SMARCA5: variants seen among roughly 807,000 people sequenced by gnomAD.
SMARCA5 encodes the protein SNF2 related chromatin remodeling ATPase 5.
SMARCA5 carries 18 observed loss-of-function variants against 140.4 expected under a neutral mutation model. The observed-to-expected ratio is 0.13, with a 90% confidence interval of 0.09 to 0.19. SMARCA5 has a LOEUF of 0.19. SMARCA5 is among the 10% of genes least tolerant of loss of function. The probability of loss-of-function intolerance (pLI) is 1.00; values close to 1 mark genes in which losing one functional copy is unlikely to be tolerated. For missense variants in SMARCA5, 606 were observed against 1,276.8 expected (o/e 0.47, Z 8.01); for synonymous variants, 449 against 419.6 (o/e 1.07, Z -0.86).
At chr4:143,528,788 G>A in intron 8 of SMARCA5, 74 bp downstream of exon 8, 1 of 1,398,900 alleles carries the variant, frequency 7.1e-7, no homozygotes, top group Non-Finnish European at 9.7e-7. Flanking sequence ...AATAAAAGTG[G>A]CCTGCCTTTT....
intron 3 of SMARCA5, among the ~76,000 whole-genome samples, chr4:143,523,646 T>C (rs1290130987): frequency 1.3e-5 from 2 of 152,206 alleles, no homozygotes; most frequent in Non-Finnish European, 2.9e-5. Context: ...TGCTTCTATC[T>C]TGGAAGGCCG....
intron 11 of SMARCA5, among the ~76,000 whole-genome samples, chr4:143,537,875 G>A (rs946307415): frequency 2.0e-5 from 3 of 146,882 alleles, no homozygotes; most frequent in Non-Finnish European, 3.0e-5. Flanking sequence ...CTGAGATGGC[G>A]CCGCTGCACT....
chr4:143,533,651 G>C (rs529556639), intron 9 of SMARCA5, among the ~76,000 whole-genome samples: 1 of 152,058 alleles, frequency 6.6e-6, no homozygotes, highest in Admixed American at 6.5e-5. Context: ...GGGACTACAG[G>C]TACCTGCCAC....
intron 1 of SMARCA5, chr4:143,514,784 A>G (rs1510882): frequency 0.21 from 32,221 of 152,114 alleles, 3,419 homozygotes; most frequent in South Asian, 0.29. Context: ...AGGGGGGATG[A>G]ATAAGTGTAG....
chr4:143,544,216 G>A (rs1737480837), intron 16 of SMARCA5: 1 of 251,460 alleles, frequency 4.0e-6, no homozygotes. Context: ...ATATATTCTT[G>A]TATGGGATGA....
At chr4:143,517,757 C>G (rs776549666) in intron 2 of SMARCA5, among the ~76,000 whole-genome samples, 3 of 152,172 alleles carry the variant, frequency 2.0e-5, no homozygotes, top group Admixed American at 6.5e-5. Context: ...CTAATCACCT[C>G]TTATTAGGCC....
Position 143,514,081 on chromosome 4 carries a change from C to T in SMARCA5, c.157C>T (p.Pro53Ser), listed in dbSNP as rs775611324. The change falls in exon 1 of 24, where the codon CCC becomes TCC. Residue 53 changes from proline to serine, a missense_variant. By Grantham distance (74) the Pro-to-Ser change is moderately conservative. Transcript: ENST00000283131. ...GGTTGCGTCTGCGGCCAGCGCTGGT[C>T]CCGCAGACGCCGAGATGGAGGTGAG... is the stretch of plus-strand genomic sequence containing the variant. Reference protein sequence around the residue: ...QAVASAASAGPADAEMEEIFD... With the variant: ...QAVASAASAGSADAEMEEIFD... 7 of 1,552,882 alleles carry T rather than the reference C, an allele frequency of 4.5e-6. No individual in the cohort carries two copies. Among genetic ancestry groups the T allele is most frequent in the Admixed American group, 1.9e-5 (1 of 53,246 alleles).
intron 21 of SMARCA5, 28 bp downstream of exon 21, chr4:143,547,531 G>T: frequency 8.5e-7 from 1 of 1,172,844 alleles, no homozygotes; most frequent in Non-Finnish European, 1.3e-6. Context: ...AAGTTAGGTA[G>T]TTAATAAAAT....
chr4:143,542,942 C>A (rs865774283), intron 14 of SMARCA5, among the ~76,000 whole-genome samples: 3 of 152,116 alleles, frequency 2.0e-5, no homozygotes, highest in South Asian at 2.1e-4. Flanking sequence ...CCTGTCATTG[C>A]ACTCCAGCCT....
chr4:143,523,276 C>A (rs1736999670), intron 3 of SMARCA5, among the ~76,000 whole-genome samples: 1 of 152,154 alleles, frequency 6.6e-6, no homozygotes. Context: ...ATCCACCCAC[C>A]TCTGCCTCCT....
At position 143,514,032 on chromosome 4, in the gene SMARCA5, C is replaced by T. The variant is rs1253028211; in HGVS notation, c.108C>T (p.Gly36=). The change falls in exon 1 of 24, where the codon GGC becomes GGT. Residue 36 remains glycine, a synonymous_variant. Coordinates refer to ENST00000283131, the MANE Select transcript of SMARCA5 (RefSeq NM_003601.4). ...GGAGCAACAGCAGCAACAAAGGCGGCCCCGAAGGCGTCGCGGCGCAGGCGG... is the reference window on the plus strand; with the variant it reads ...GGAGCAACAGCAGCAACAAAGGCGGTCCCGAAGGCGTCGCGGCGCAGGCGG... ...SGGSNSSNKG[G]PEGVAAQAVA... 1.3e-6 allele frequency: 2 copies of T among 1,552,960 alleles called. No homozygotes were observed. Among genetic ancestry groups the T allele is most frequent in the Admixed American group, 3.8e-5 (2 of 53,288 alleles).
At position 143,513,867 on chromosome 4, in the gene SMARCA5, C is replaced by G. The variant is rs950948940; in HGVS notation, c.-58C>G. 5 of 1,514,960 alleles carry G rather than the reference C, an allele frequency of 3.3e-6. No homozygotes were observed. In the Admixed American group the frequency reaches 6.0e-5, roughly 18 times the overall value. 93.8% of individuals were successfully genotyped at this position (1,514,960 alleles called of 1,614,324 possible). A position where few individuals can be genotyped will look rare whatever the true frequency, so the allele number is the denominator to read the frequency against. On this transcript the variant is annotated 5_prime_UTR_variant, in exon 1 of 24. Coordinates refer to ENST00000283131, the MANE Select transcript of SMARCA5 (RefSeq NM_003601.4). ...CGTAGCATCCAGGCCTAGGCCTCCC[C>G]GTCCATCCCCGCCGGACTCGGGCCT...
Position 143,556,621 on chromosome 4 carries a change from C to T in SMARCA5, c.*3437C>T, listed in dbSNP as rs72938246. The T allele has an allele frequency of 9.2e-5, 14 of 152,230 alleles. No individual in the cohort carries two copies. Among genetic ancestry groups the T allele is most frequent in the African/African-American group, 3.4e-4 (14 of 41,538 alleles). 9.4% of individuals were successfully genotyped at this position (152,230 alleles called of 1,614,324 possible). ...GGAGTAGCTGTTACCAAAATATATA[C>T]ATATTTTGTATATGTACATAGCTGT... is the stretch of plus-strand genomic sequence containing the variant. On this transcript the variant is annotated 3_prime_UTR_variant, in exon 24 of 24. Coordinates refer to ENST00000283131, the MANE Select transcript of SMARCA5 (RefSeq NM_003601.4).
intron 9 of SMARCA5, 67 bp downstream of exon 9, chr4:143,530,593 A>C: frequency 9.3e-7 from 1 of 1,076,016 alleles, no homozygotes; most frequent in South Asian, 1.4e-5. Flanking sequence ...TTAAATTAGT[A>C]GATTATTTTC....
At position 143,513,762 on chromosome 4, in the gene SMARCA5, C is replaced by A. The variant is rs563999870; in HGVS notation, c.-163C>A. ...CGTTTGGGAGTGTGCAGCTCCTGGG[C>A]CCGGCTCAGGCCCGTCGCGGAGGCG... On this transcript the variant is annotated 5_prime_UTR_variant, in exon 1 of 24. Transcript: ENST00000283131. 1.2e-5 allele frequency: 9 copies of A among 743,226 alleles called. No individual in the cohort carries two copies. In the Admixed American group the frequency reaches 2.6e-4, roughly 21 times the overall value. 46.0% of individuals were successfully genotyped at this position (743,226 alleles called of 1,614,324 possible).
intron 14 of SMARCA5, among the ~76,000 whole-genome samples, chr4:143,543,164 C>T (rs988631021): frequency 1.3e-5 from 2 of 152,162 alleles, no homozygotes; most frequent in Admixed American, 6.5e-5. Flanking sequence ...CCTTTCTGCT[C>T]ATCAGAAACT....
Position 143,528,019 on chromosome 4 carries a change from C to A in SMARCA5, c.953C>A (p.Ser318Tyr). 1 of 1,557,696 alleles carries A rather than the reference C, an allele frequency of 6.4e-7. No homozygotes were observed. Among genetic ancestry groups the A allele is most frequent in the South Asian group, 1.2e-5 (1 of 81,608 alleles). Residue 318 changes from serine (S) to tyrosine (Y), a missense_variant, in exon 7 of 24, where the codon TCT becomes TAT. Around this residue, in one of 10 missense-constraint regions of SMARCA5, gnomAD observed 110 missense variants for 287.7 expected, o/e 0.38. Coordinates refer to ENST00000283131, the MANE Select transcript of SMARCA5 (RefSeq NM_003601.4). Reference sequence around the variant, plus strand: ...GCTCACAGGATCAAAAATGAAAAATCTAAGGTAATTTGATACTTAGATGTG... The same window carrying A: ...GCTCACAGGATCAAAAATGAAAAATATAAGGTAATTTGATACTTAGATGTG... ...DEAHRIKNEK[S>Y]KLSEIVREFK...
rs1737546294 is a variant in SMARCA5, at chr4:143,547,419, C to T, written c.2688C>T (p.Asp896=). 6.2e-7 allele frequency: 1 copy of T among 1,608,004 alleles called. No individual in the cohort carries two copies. The highest frequency in any genetic ancestry group is 1.3e-5 in the African/African-American group (1 of 74,678). The change falls in exon 21 of 24, where the codon GAC becomes GAT. Residue 896 remains aspartate (D), a synonymous_variant. Transcript: ENST00000283131. ...GGGAAAGGTGCAACGAGCTCCAGGACATAGAGAAGATTATGGCTCAGATTG... is the reference window on the plus strand; with the variant it reads ...GGGAAAGGTGCAACGAGCTCCAGGATATAGAGAAGATTATGGCTCAGATTG... The part of the protein sequence containing the change: ...VFWERCNELQ[D]IEKIMAQIER...
At chr4:143,524,979 C>T (rs1333439482) in intron 4 of SMARCA5, among the ~76,000 whole-genome samples, 1 of 150,920 alleles carries the variant, frequency 6.6e-6, no homozygotes, top group Non-Finnish European at 1.5e-5. Context: ...AAGTAGTATA[C>T]CCTGAAAGAG....
Sources: allele counts gnomAD v4.1 joint callset (sites outside exome capture counted in the v4.1 genomes callset), GRCh38; gene constraint gnomAD v4.1.1; regional missense constraint gnomAD v4.1.1; transcripts MANE v1.5; gene names NCBI Gene and HGNC (gene_info 2026-07-23, HGNC 2026-07-21).